The following KCNJ5 variants were observed in gnomAD, a reference collection of about 807,000 sequenced individuals.
KCNJ5 encodes G protein-activated inward rectifier potassium channel 4.
KCNJ5 carries 12 observed loss-of-function variants against 20.2 expected under a neutral mutation model. The ratio of observed to expected loss-of-function variants is 0.59; its 90% confidence interval spans 0.38 to 0.96. The LOEUF (loss-of-function observed/expected upper bound fraction) is 0.96, where lower values mean the gene tolerates loss of function less well. Ranked by LOEUF, KCNJ5 falls within the 40% of genes least tolerant of loss-of-function variation. The pLI, the probability that KCNJ5 is intolerant of heterozygous loss-of-function variation, is 0.00. For synonymous variants in KCNJ5, 210 were observed against 213.9 expected, an observed-to-expected ratio of 0.98 and a Z score of 0.16; for missense variants, 449 against 557.6, an observed-to-expected ratio of 0.81 and a Z score of 1.96.
chr11:128,903,670 G>A (rs1944334835), intron 1 of KCNJ5, among the ~76,000 whole-genome samples: 1 of 152,180 alleles, frequency 6.6e-6, no homozygotes, highest in Admixed American at 6.5e-5. Context: ...GTGTTACCTG[G>A]GATGCATGGA....
intron 1 of KCNJ5, among the ~76,000 whole-genome samples, chr11:128,909,490 G>A (rs1000334316): frequency 1.3e-5 from 2 of 152,238 alleles, no homozygotes; most frequent in East Asian, 1.9e-4. Flanking sequence ...GAAAAGAGGT[G>A]CTCCGCTTAA....
intron 1 of KCNJ5, among the ~76,000 whole-genome samples, chr11:128,903,830 C>A (rs566699252): frequency 6.6e-6 from 1 of 152,118 alleles, no homozygotes; most frequent in Admixed American, 6.5e-5. Context: ...GGAAGTGACC[C>A]GAGCTGCCGG....
intron 1 of KCNJ5, among the ~76,000 whole-genome samples, chr11:128,893,914 G>A (rs1206216831): frequency 1.3e-5 from 2 of 152,204 alleles, no homozygotes. Flanking sequence ...ACTCAGCCTC[G>A]CTGTCCCTGG....
chr11:128,914,381 G>A (rs1200876967), intron 2 of KCNJ5, among the ~76,000 whole-genome samples: 1 of 152,098 alleles, frequency 6.6e-6, no homozygotes, highest in Non-Finnish European at 1.5e-5. Flanking sequence ...CAAAGTCAGG[G>A]GCCCGCCATT....
At chr11:128,901,285 C>T (rs1426126161) in intron 1 of KCNJ5, 1 of 152,232 alleles carries the variant, frequency 6.6e-6, no homozygotes, top group Non-Finnish European at 1.5e-5. Context: ...ATCTCAGTCT[C>T]CTGATCTGAA....
chr11:128,911,704 T>C lies in KCNJ5; in HGVS notation c.431T>C (p.Ile144Thr), dbSNP rs2135998994. ...SGFVSAFLFS[I>T]ETETTIGYGF... ...TTCGTGTCCGCTTTCCTGTTCTCCA[T>C]TGAGACCGAAACAACCATTGGGTAT... The change falls in exon 2 of 3, where the codon ATT becomes ACT. Residue 144 changes from isoleucine to threonine, a missense_variant. Ile to Thr is a moderately conservative substitution (Grantham distance 89, BLOSUM62 -1). Coordinates refer to ENST00000529694, the MANE Select transcript of KCNJ5 (RefSeq NM_000890.5). This position sits in a 1 kb window ranked among gnomAD's most constrained non-coding sequence, Gnocchi z 6.3. 1 of 1,614,162 alleles carries C rather than the reference T, an allele frequency of 6.2e-7. No homozygotes were observed. Among genetic ancestry groups the C allele is most frequent in the Non-Finnish European group, 8.5e-7 (1 of 1,180,010 alleles).
rs1393427553 is a variant in KCNJ5 at position 128,920,722 on chromosome 11, G to A, written c.*3991G>A. On this transcript the variant is annotated 3_prime_UTR_variant, in exon 3 of 3. Coordinates refer to ENST00000529694, the MANE Select transcript of KCNJ5 (RefSeq NM_000890.5). ...GCCACGGGTAGTAATAAGAGGCATG[G>A]CCTTGGTGCCAAGTGCCTCCCAAAC... The A allele has an allele frequency of 6.6e-6, 1 of 152,236 alleles. No individual in the cohort carries two copies. Among genetic ancestry groups the A allele is most frequent in the Non-Finnish European group, 1.5e-5 (1 of 68,042 alleles). 9.4% of individuals were successfully genotyped at this position (152,236 alleles called of 1,614,324 possible). A position where few individuals can be genotyped will look rare whatever the true frequency, so the allele number is the denominator to read the frequency against.
intron 1 of KCNJ5, chr11:128,903,432 T>C (rs746906239): frequency 6.2e-7 from 1 of 1,614,184 alleles, no homozygotes; most frequent in Non-Finnish European, 8.5e-7. Flanking sequence ...TTCTGGTTAC[T>C]ATGGCATGCA....
Position 128,912,860 on chromosome 11 carries a change from A to G in KCNJ5, c.937+650A>G, listed in dbSNP as rs946878250. On this transcript the variant is annotated intron_variant, in intron 2 of 2. Transcript: ENST00000529694. ...AAAGACACAGGGACACAGACAGGCT[A>G]AATTATTTGCCCAAGAGCAAGCACT... 9.8e-5 allele frequency among the ~76,000 whole-genome samples: 15 copies of G among 152,306 alleles called. 1 individual carries two copies. Among genetic ancestry groups the G allele is most frequent in the African/African-American group, 3.6e-4 (15 of 41,576 alleles).
chr11:128,908,397 A>G (rs1444143783), intron 1 of KCNJ5, among the ~76,000 whole-genome samples: 1 of 152,198 alleles, frequency 6.6e-6, no homozygotes, highest in Non-Finnish European at 1.5e-5. Context: ...TGGACCACAA[A>G]GCTGGTTTGT....
In KCNJ5 at chr11:128,911,019, G is replaced by T. The variant is rs964207530; in HGVS notation, c.-10-245G>T. On this transcript the variant is annotated intron_variant, in intron 1 of 2. Transcript: ENST00000529694. The surrounding 1 kb of genome is among the most constrained non-coding windows in gnomAD (Gnocchi z 6.3). ...AATGTGTAGTTTGCACCTAGATATT[G>T]TTCATTTATTCATTCAACAAACAGC... 3.9e-5 allele frequency among the ~76,000 whole-genome samples: 6 copies of T among 152,166 alleles called. No individual in the cohort carries two copies. The highest frequency in any genetic ancestry group is 8.8e-5 in the Non-Finnish European group (6 of 68,030).
In KCNJ5 at chr11:128,902,448, A is replaced by T. The variant is rs12805708; in HGVS notation, c.-10-8816A>T. ...GGTTTGCACAGGGTGCCAGTTAGGG[A>T]GGAGAAGGCAGCGAGGAACCCCGCA... On this transcript the variant is annotated intron_variant, in intron 1 of 2. Coordinates refer to ENST00000529694, the MANE Select transcript of KCNJ5 (RefSeq NM_000890.5). The T allele has an allele frequency of 3.5e-6, 5 of 1,418,472 alleles. No homozygotes were observed. In the African/African-American group the frequency reaches 7.1e-5, roughly 20 times the overall value. 87.9% of individuals were successfully genotyped at this position (1,418,472 alleles called of 1,614,324 possible).
chr11:128,895,382 A>ACC (rs59889127), intron 1 of KCNJ5, among the ~76,000 whole-genome samples: 3,241 of 140,374 alleles, frequency 0.023, 40 homozygotes, highest in Non-Finnish European at 0.026. Flanking sequence ...GTGTGCCCCC[A>ACC]CCCCCCCCCC....
At chr11:128,901,400 ACAC>A (rs1258535263) in intron 1 of KCNJ5, 2 of 152,368 alleles carry the variant, frequency 1.3e-5, no homozygotes, top group African/African-American at 2.4e-5. Context: ...ACACACACAC[ACAC>A]TTCACTTCCA....
At position 128,916,404 on chromosome 11, in the gene KCNJ5, C is replaced by T. The variant is rs767902902; in HGVS notation, c.938-5C>T. On this transcript the variant is annotated splice_polypyrimidine_tract_variant and splice_region_variant and intron_variant, in intron 2 of 2. Coordinates refer to ENST00000529694, the MANE Select transcript of KCNJ5 (RefSeq NM_000890.5). ...TCATAATGCATGTAACTTCCGTTTCCCCAGGCATGACCTGCCAAGCCCGGA... is the reference window on the plus strand; with the variant it reads ...TCATAATGCATGTAACTTCCGTTTCTCCAGGCATGACCTGCCAAGCCCGGA... 1.2e-6 allele frequency: 2 copies of T among 1,612,736 alleles called. No individual in the cohort carries two copies. The highest frequency in any genetic ancestry group is 1.7e-6 in the Non-Finnish European group (2 of 1,178,758).
At chr11:128,907,734 C>G (rs540995333) in intron 1 of KCNJ5, among the ~76,000 whole-genome samples, 13 of 152,268 alleles carry the variant, frequency 8.5e-5, no homozygotes, top group African/African-American at 3.1e-4. Flanking sequence ...CTTACCTAGG[C>G]CAGCCACAGC....
chr11:128,916,394 C>A lies in KCNJ5; in HGVS notation c.938-15C>A. The stretch of plus-strand genomic sequence containing the variant: ...GATGATTGCATCATAATGCATGTAA[C>A]TTCCGTTTCCCCAGGCATGACCTGC... On this transcript the variant is annotated splice_polypyrimidine_tract_variant and intron_variant, in intron 2 of 2. Transcript: ENST00000529694. 2 of 1,604,428 alleles carry A rather than the reference C, an allele frequency of 1.2e-6. No homozygotes were observed. Among genetic ancestry groups the A allele is most frequent in the Admixed American group, 1.7e-5 (1 of 60,016 alleles).
At chr11:128,905,569 G>A (rs1032893622) in intron 1 of KCNJ5, 1 of 151,392 alleles carries the variant, frequency 6.6e-6, no homozygotes, top group African/African-American at 2.4e-5. Flanking sequence ...TCTCTCGCAC[G>A]ATCCGGCCAA....
At chr11:128,915,901 G>T (rs936143705) in intron 2 of KCNJ5, among the ~76,000 whole-genome samples, 1 of 148,578 alleles carries the variant, frequency 6.7e-6, no homozygotes, top group Non-Finnish European at 1.5e-5. Flanking sequence ...TAGGATAGAT[G>T]GATAGATAAT....
Sources: allele counts gnomAD v4.1 joint callset (sites outside exome capture counted in the v4.1 genomes callset), GRCh38; gene constraint gnomAD v4.1.1; non-coding constraint Gnocchi (gnomAD v3.1); transcripts MANE v1.5; gene names NCBI Gene and HGNC (gene_info 2026-07-23, HGNC 2026-07-21).